PIK3CB: variants seen among roughly 807,000 people sequenced by gnomAD.
PIK3CB encodes phosphatidylinositol 4,5-bisphosphate 3-kinase catalytic subunit beta isoform.
PIK3CB carries 39 observed loss-of-function variants against 136.8 expected under a neutral mutation model. The observed-to-expected ratio is 0.29, with a 90% CI of 0.22 to 0.37. The LOEUF (loss-of-function observed/expected upper bound fraction) is 0.37, where lower values mean the gene tolerates loss of function less well. Ranked by LOEUF, PIK3CB falls within the 10% of genes least tolerant of loss-of-function variation. PIK3CB has a pLI of 1.00. For synonymous variants in PIK3CB, 428 were observed against 436.6 expected (o/e 0.98, Z 0.25); for missense variants, 868 against 1,275.4 (o/e 0.68, Z 4.87).
At chr3:138,669,981 A>G (rs1289712477) in intron 19 of PIK3CB, among the ~76,000 whole-genome samples, 1 of 152,224 alleles carries the variant, frequency 6.6e-6, no homozygotes, top group Non-Finnish European at 1.5e-5. Flanking sequence ...AAAAAAAATT[A>G]AAGTCCTTCA....
At chr3:138,722,304 T>C (rs982229283) in intron 8 of PIK3CB, among the ~76,000 whole-genome samples, 4 of 150,974 alleles carry the variant, frequency 2.6e-5, no homozygotes, top group African/African-American at 9.8e-5. Flanking sequence ...ATTTGGTAAA[T>C]CATAAATAAA....
intron 1 of PIK3CB, among the ~76,000 whole-genome samples, chr3:138,834,198 T>TGGCCCAA (rs1349946398): frequency 2.6e-5 from 4 of 152,282 alleles, no homozygotes; most frequent in African/African-American, 7.2e-5. Context: ...CAGGATATTT[T>TGGCCCAA]GGCCCAAGGC....
Position 138,705,187 on chromosome 3 carries a change from A to AAAAAAAAAAAAAAAAAAAAT in PIK3CB, c.1531-695_1531-694insATTTTTTTTTTTTTTTTTTT, listed in dbSNP as rs2044349170. Among the ~76,000 whole-genome samples, 2 of 79,082 alleles carry AAAAAAAAAAAAAAAAAAAAT rather than the reference A, an allele frequency of 2.5e-5. 1 individual carries two copies. The highest frequency in any genetic ancestry group is 2.4e-4 in the Admixed American group (2 of 8,468). The allele number at this position is 79,082 out of a possible 152,430, so 51.9% of individuals were successfully genotyped here. A position where few individuals can be genotyped will look rare whatever the true frequency, so the allele number is the denominator to read the frequency against. On this transcript the variant is annotated intron_variant, in intron 11 of 23. Coordinates refer to ENST00000674063, the MANE Select transcript of PIK3CB (RefSeq NM_006219.3). Reference sequence around the variant, plus strand: ...AAAAAAAAAAAACAAAAAACAAAACAAACAAAAAAAAAAACTTATATTTGC... The same window carrying AAAAAAAAAAAAAAAAAAAAT: ...AAAAAAAAAAAACAAAAAACAAAACAAAAAAAAAAAAAAAAAAAATAACAAAAAAAAAAACTTATATTTGC...
intron 9 of PIK3CB, among the ~76,000 whole-genome samples, chr3:138,712,900 C>T (rs767433078): frequency 6.6e-6 from 1 of 151,956 alleles, no homozygotes. Context: ...CAAGAAAACA[C>T]GTATAATATC....
At chr3:138,755,688 C>A (rs986462903) in intron 4 of PIK3CB, 66 bp downstream of exon 4, 1 of 726,784 alleles carries the variant, frequency 1.4e-6, no homozygotes. Flanking sequence ...CTTAAATATA[C>A]TTACTATATG....
intron 13 of PIK3CB, among the ~76,000 whole-genome samples, chr3:138,698,391 G>A (rs572211278): frequency 1.3e-5 from 2 of 152,286 alleles, no homozygotes; most frequent in South Asian, 4.1e-4. Context: ...CTAAAATTTG[G>A]TGGGTTTCTG....
At chr3:138,831,365 G>GGAGGAACA (rs1553745249) in intron 1 of PIK3CB, among the ~76,000 whole-genome samples, 1 of 151,760 alleles carries the variant, frequency 6.6e-6, no homozygotes, top group Admixed American at 6.6e-5. Flanking sequence ...GGCCGAGGCG[G>GGAGGAACA]CCAGATCACC....
At chr3:138,695,031 T>A in intron 13 of PIK3CB, 124 bp from the exon 14 acceptor site, 1 of 795,708 alleles carries the variant, frequency 1.3e-6, no homozygotes, top group Non-Finnish European at 1.9e-6. Flanking sequence ...TATTGATGCC[T>A]CAAAAATCCA....
chr3:138,784,478 G>A lies in PIK3CB; in HGVS notation c.-17+11985C>T, dbSNP rs530836111. On this transcript the variant is annotated intron_variant, in intron 2 of 23. Coordinates refer to ENST00000674063, the MANE Select transcript of PIK3CB (RefSeq NM_006219.3). ...CTTTGCACGGTCTCCCTCTGATGCCGAGCGGAGGCTGGACTGTACTACCAC... is the reference window on the plus strand; with the variant it reads ...CTTTGCACGGTCTCCCTCTGATGCCAAGCGGAGGCTGGACTGTACTACCAC... 3.4e-3 allele frequency among the ~76,000 whole-genome samples: 510 copies of A among 151,860 alleles called. 2 individuals carry two copies. Among genetic ancestry groups the A allele is most frequent in the Middle Eastern group, 6.8e-3 (2 of 294 alleles).
intron 8 of PIK3CB, among the ~76,000 whole-genome samples, chr3:138,721,736 AAT>A (rs1214593090): frequency 1.8e-4 from 28 of 152,314 alleles, no homozygotes; most frequent in African/African-American, 5.8e-4. Flanking sequence ...TCTCTTCTAG[AAT>A]GACTTTTTCC....
Position 138,752,973 on chromosome 3 carries a change from G to A in PIK3CB, c.397+2781C>T, listed in dbSNP as rs185941772. Among the ~76,000 whole-genome samples the A allele has an allele frequency of 2.2e-3, 332 of 152,240 alleles. 1 individual carries two copies. Among genetic ancestry groups the A allele is most frequent in the South Asian group, 5.2e-3 (25 of 4,824 alleles). On this transcript the variant is annotated intron_variant, in intron 4 of 23. Coordinates refer to ENST00000674063, the MANE Select transcript of PIK3CB (RefSeq NM_006219.3). ...ATGAATCCATGTTTTGGTAAATGTT[G>A]GGAAGGAGGTAAATTTCAGAGAGAT...
chr3:138,742,919 G>A, intron 4 of PIK3CB, 138 bp from the exon 5 acceptor site: 2 of 494,584 alleles, frequency 4.0e-6, no homozygotes, highest in Non-Finnish European at 7.1e-6. Context: ...AAACTAGGGA[G>A]GAAAATACCA....
chr3:138,768,801 T>A (rs781346055), intron 2 of PIK3CB, among the ~76,000 whole-genome samples: 18 of 152,180 alleles, frequency 1.2e-4, no homozygotes, highest in Admixed American at 2.6e-4. Flanking sequence ...GGCTGGGATG[T>A]GACAACACTT....
chr3:138,798,575 T>C (rs996964336), intron 1 of PIK3CB, among the ~76,000 whole-genome samples: 30 of 152,184 alleles, frequency 2.0e-4, no homozygotes, highest in Admixed American at 3.3e-4. Context: ...ATGGTGTGAA[T>C]AGAAACAAGG....
At chr3:138,675,888 T>C (rs183132993) in intron 19 of PIK3CB, among the ~76,000 whole-genome samples, 1 of 152,306 alleles carries the variant, frequency 6.6e-6, no homozygotes. Flanking sequence ...GTACAATCAA[T>C]TGATTTTTGA....
intron 12 of PIK3CB, among the ~76,000 whole-genome samples, chr3:138,699,662 A>G (rs2044207611): frequency 6.6e-6 from 1 of 152,204 alleles, no homozygotes; most frequent in African/African-American, 2.4e-5. Context: ...TGAAAAGACA[A>G]AGACTAGAAA....
chr3:138,657,696 A>G lies in PIK3CB; in HGVS notation c.2936T>C (p.Phe979Ser). The G allele has an allele frequency of 6.2e-7, 1 of 1,613,984 alleles. No individual in the cohort carries two copies. Among genetic ancestry groups the G allele is most frequent in the South Asian group, 1.1e-5 (1 of 91,034 alleles). Residue 979 changes from phenylalanine to serine, a missense_variant, in exon 22 of 24, where the codon TTT becomes TCT. Phe to Ser is a radical substitution (Grantham distance 155, BLOSUM62 -2). Around this residue, in one of 4 missense-constraint regions of PIK3CB, gnomAD observed 88 missense variants for 147.8 expected, o/e 0.60. Transcript: ENST00000674063. ...GCACAAGGGCAGTACTCACCGGCCA[A>G]ACTTTTCTGTATTTCCTGTTTTTCC... ...QQGKTGNTEK[F>S]GRFRQCCEDA...
chr3:138,718,056 T>C (rs548295300), intron 8 of PIK3CB, among the ~76,000 whole-genome samples: 10 of 152,314 alleles, frequency 6.6e-5, no homozygotes, highest in Middle Eastern at 3.4e-3. Context: ...TACCCAGTAA[T>C]AGGATTGATG....
intron 15 of PIK3CB, among the ~76,000 whole-genome samples, chr3:138,689,520 G>A (rs955275301): frequency 8.5e-5 from 13 of 152,116 alleles, no homozygotes; most frequent in Non-Finnish European, 1.8e-4. Flanking sequence ...TAAACTCCTG[G>A]CCTCAAGTGA....
Sources: gnomAD v4.1 joint callset for allele counts (sites outside exome capture counted in the v4.1 genomes callset) on GRCh38, gnomAD v4.1.1 for gene constraint, gnomAD v4.1.1 regional missense constraint, MANE v1.5 for transcripts, NCBI Gene and HGNC (gene_info 2026-07-23, HGNC 2026-07-21) for gene names.